Variants in HCN1 observed in about 807,000 individuals in gnomAD.
HCN1 encodes hyperpolarization activated cyclic nucleotide gated potassium channel 1, also known as potassium/sodium hyperpolarization-activated cyclic nucleotide-gated channel 1.
HCN1 carries 13 observed loss-of-function variants against 78.9 expected under a neutral mutation model. The observed-to-expected ratio is 0.16, with a 90% CI of 0.11 to 0.26. HCN1 has a LOEUF of 0.26. Among genes scored for constraint, HCN1 ranks in the 10% least tolerant of loss-of-function variants. HCN1 has a pLI of 1.00. For synonymous variants in HCN1, 552 were observed against 455.5 expected (o/e 1.21, Z -2.70); for missense variants, 810 against 1,154.3 (o/e 0.70, Z 4.32).
intron 1 of HCN1, among the ~76,000 whole-genome samples, chr5:45,665,272 G>A (rs1254976902): frequency 7.0e-6 from 1 of 142,826 alleles, no homozygotes; most frequent in Non-Finnish European, 1.5e-5. Flanking sequence ...CACAGGAAGG[G>A]GCACATCACA....
At chr5:45,459,410 A>C (rs945165966) in intron 3 of HCN1, among the ~76,000 whole-genome samples, 3 of 151,522 alleles carry the variant, frequency 2.0e-5, no homozygotes, top group African/African-American at 7.3e-5. Flanking sequence ...CCAAAAAAAA[A>C]AAAAAGCCAA....
intron 2 of HCN1, among the ~76,000 whole-genome samples, chr5:45,499,510 C>T (rs1028319972): frequency 6.6e-6 from 1 of 152,146 alleles, no homozygotes; most frequent in African/African-American, 2.4e-5. Flanking sequence ...GTGAGATGAA[C>T]CCGGTACCTC....
chr5:45,590,422 T>A (rs1744336043), intron 2 of HCN1, among the ~76,000 whole-genome samples: 1 of 152,178 alleles, frequency 6.6e-6, no homozygotes, highest in African/African-American at 2.4e-5. Context: ...CAGTGGAATG[T>A]TTGTGAGGTT....
intron 3 of HCN1, among the ~76,000 whole-genome samples, chr5:45,449,324 T>C (rs1579902238): frequency 6.6e-6 from 1 of 152,324 alleles, no homozygotes; most frequent in South Asian, 2.1e-4. Context: ...CACTTCACAA[T>C]ACCACTTCTC....
chr5:45,689,064 G>A (rs1386478973), intron 1 of HCN1, among the ~76,000 whole-genome samples: 6 of 152,142 alleles, frequency 3.9e-5, no homozygotes, highest in Non-Finnish European at 8.8e-5. Context: ...AAAATTGATT[G>A]TGGTGATGGC....
chr5:45,347,079 C>A (rs1156417236), intron 5 of HCN1, among the ~76,000 whole-genome samples: 1 of 152,204 alleles, frequency 6.6e-6, no homozygotes, highest in Non-Finnish European at 1.5e-5. Context: ...GGGTCCCTGA[C>A]CCCTGATCCC....
At chr5:45,603,768 C>T (rs1388423977) in intron 2 of HCN1, among the ~76,000 whole-genome samples, 1 of 151,876 alleles carries the variant, frequency 6.6e-6, no homozygotes, top group Non-Finnish European at 1.5e-5. Flanking sequence ...AAAACATGCC[C>T]CAATATAGAT....
chr5:45,597,818 C>A (rs11742172), intron 2 of HCN1, among the ~76,000 whole-genome samples: 7 of 151,850 alleles, frequency 4.6e-5, no homozygotes, highest in African/African-American at 1.7e-4. Flanking sequence ...TTCACAACTG[C>A]TACAAAGAGA....
At chr5:45,356,004 C>A (rs73099477) in intron 4 of HCN1, among the ~76,000 whole-genome samples, 3,553 of 151,930 alleles carry the variant, frequency 0.023, 151 homozygotes, top group African/African-American at 0.082. Flanking sequence ...ACAAGACTTG[C>A]AAGAATGTAT....
rs1388912809 is a variant in HCN1 at position 45,258,888 on chromosome 5, T to C, written c.*3033A>G. ...ACAAAATAGGTTTGTATAAATATAT[T>C]ACAGGACAATTATTTACCATTATTA... On this transcript the variant is annotated 3_prime_UTR_variant, in exon 8 of 8. Coordinates refer to ENST00000303230, the MANE Select transcript of HCN1 (RefSeq NM_021072.4). The C allele has an allele frequency of 6.6e-6, 1 of 152,014 alleles. No homozygotes were observed. The highest frequency in any genetic ancestry group is 1.5e-5 in the Non-Finnish European group (1 of 67,920). The allele number at this position is 152,014 out of a possible 1,614,324, so 9.4% of individuals were successfully genotyped here. A position where few individuals can be genotyped will look rare whatever the true frequency, so the allele number is the denominator to read the frequency against.
intron 5 of HCN1, among the ~76,000 whole-genome samples, chr5:45,317,063 C>A (rs1365606607): frequency 2.0e-5 from 3 of 152,074 alleles, no homozygotes; most frequent in Admixed American, 1.3e-4. Flanking sequence ...GGGAAAAAAA[C>A]TACTTTAAAG....
At chr5:45,621,257 T>C (rs567347429) in intron 2 of HCN1, among the ~76,000 whole-genome samples, 12 of 152,258 alleles carry the variant, frequency 7.9e-5, no homozygotes, top group African/African-American at 2.4e-4. Context: ...TTCCAGAAAC[T>C]GGAAACTCAC....
chr5:45,663,882 T>C (rs1360536368), intron 1 of HCN1, among the ~76,000 whole-genome samples: 1 of 144,942 alleles, frequency 6.9e-6, no homozygotes, highest in African/African-American at 2.6e-5. Context: ...AGTTCAACCA[T>C]TGTGGAAGTC....
At chr5:45,626,674 C>CA (rs1305413017) in intron 2 of HCN1, among the ~76,000 whole-genome samples, 1 of 151,780 alleles carries the variant, frequency 6.6e-6, no homozygotes, top group Non-Finnish European at 1.5e-5. Context: ...GACCAAGCGT[C>CA]AAAAAACAGA....
rs146825983 is a variant in HCN1 at position 45,648,190 on chromosome 5, C to T, written c.426-2582G>A. ...AGAAATCCAATTTTGTGGGAAGCAC[C>T]CAGCAACCTAATGAAAAATACTCAT... On this transcript the variant is annotated intron_variant, in intron 1 of 7. Transcript: ENST00000303230. Among the ~76,000 whole-genome samples, 84 of 152,240 alleles carry T rather than the reference C, an allele frequency of 5.5e-4. 1 individual carries two copies. The highest frequency in any genetic ancestry group is 1.8e-3 in the African/African-American group (75 of 41,532).
chr5:45,647,790 G>T (rs956528683), intron 1 of HCN1, among the ~76,000 whole-genome samples: 4 of 152,020 alleles, frequency 2.6e-5, no homozygotes, highest in Non-Finnish European at 5.9e-5. Context: ...TGATTTGCAA[G>T]CCAGAAACCA....
At chr5:45,291,370 C>G (rs1035560030) in intron 6 of HCN1, among the ~76,000 whole-genome samples, 2 of 151,994 alleles carry the variant, frequency 1.3e-5, no homozygotes, top group Non-Finnish European at 2.9e-5. Context: ...GGACACCACA[C>G]CGAGCTCATC....
intron 6 of HCN1, among the ~76,000 whole-genome samples, chr5:45,288,534 G>T (rs535793632): frequency 1.3e-5 from 2 of 151,986 alleles, no homozygotes; most frequent in African/African-American, 2.4e-5. Flanking sequence ...TGTTACACAT[G>T]TTAGGTCCTA....
intron 2 of HCN1, among the ~76,000 whole-genome samples, chr5:45,541,869 ACATAAT>A (rs1743112693): frequency 6.6e-6 from 1 of 152,192 alleles, no homozygotes; most frequent in Non-Finnish European, 1.5e-5. Context: ...ATTAGCTTAA[ACATAAT>A]GAATAACTTT....
Sources: allele counts gnomAD v4.1 joint callset (sites outside exome capture counted in the v4.1 genomes callset), GRCh38; gene constraint gnomAD v4.1.1; transcripts MANE v1.5; gene names NCBI Gene and HGNC (gene_info 2026-07-23, HGNC 2026-07-21).